GGCT: variants seen among roughly 807,000 people sequenced by gnomAD.
The protein encoded by GGCT is cytochrome c-releasing factor 21.
A neutral mutation model predicts 22.1 loss-of-function variants in GGCT; 20 were observed. The ratio of observed to expected loss-of-function variants is 0.91; its 90% CI spans 0.64 to 1.32. The LOEUF is 1.32. GGCT is among the 40% of genes most tolerant of loss of function. The pLI, the probability that GGCT is intolerant of heterozygous loss-of-function variation, is 0.00. For missense variants in GGCT, 209 were observed against 223.5 expected (o/e 0.94, Z 0.41); for synonymous variants, 72 against 78.4 (o/e 0.92, Z 0.43).
chr7:30,500,102 C>A (rs1013787744), intron 2 of GGCT, among the ~76,000 whole-genome samples: 1 of 152,224 alleles, frequency 6.6e-6, no homozygotes, highest in Non-Finnish European at 1.5e-5. Context: ...GCATTTCTAA[C>A]ATGTCCTCAG....
At chr7:30,498,026 T>TATACAC (rs68111355) in intron 3 of GGCT, 20 of 219,468 alleles carry the variant, frequency 9.1e-5, no homozygotes, top group African/African-American at 4.6e-4. Context: ...TATATATAGA[T>TATACAC]ACACACACAC....
intron 3 of GGCT, chr7:30,497,603 G>A: frequency 6.6e-6 from 3 of 455,160 alleles, no homozygotes; most frequent in Non-Finnish European, 7.4e-6. Context: ...TACAACGCCA[G>A]AGGTTACCCT....
Position 30,498,800 on chromosome 7 carries a change from T to C in GGCT, c.423+3A>G. On this transcript the variant is annotated splice_donor_region_variant and intron_variant, in intron 3 of 3. Coordinates refer to ENST00000275428, the MANE Select transcript of GGCT (RefSeq NM_024051.4). ...AATCACCACCAGTCTGTAAATAGCTTACCTTTTTATACTGTGGGGATGGGG... is the reference window on the plus strand; with the variant it reads ...AATCACCACCAGTCTGTAAATAGCTCACCTTTTTATACTGTGGGGATGGGG... 6.2e-7 allele frequency: 1 copy of C among 1,610,586 alleles called. No homozygotes were observed. The highest frequency in any genetic ancestry group is 8.5e-7 in the Non-Finnish European group (1 of 1,177,154).
Position 30,504,553 on chromosome 7 carries a change from G to T in GGCT, c.141+16C>A, listed in dbSNP as rs200471662. On this transcript the variant is annotated intron_variant, in intron 1 of 3. Transcript: ENST00000275428. ...ATCCCGGCCCCGGCGTGGGTAGCGC[G>T]GGAGGGGGCACTCACCTGCAGGCGG... 1.4e-5 allele frequency: 23 copies of T among 1,612,710 alleles called. No individual in the cohort carries two copies. The highest frequency in any genetic ancestry group is 1.7e-6 in the Non-Finnish European group (2 of 1,179,716).
chr7:30,501,124 C>A (rs1285427214), intron 1 of GGCT, among the ~76,000 whole-genome samples: 2 of 152,120 alleles, frequency 1.3e-5, no homozygotes, highest in Non-Finnish European at 2.9e-5. Flanking sequence ...CAACATATAT[C>A]ACCAAATTTG....
Position 30,498,951 on chromosome 7 carries a change from C to T in GGCT, c.288-13G>A. ...AACCCCTTCTTGCCTGAAACCAGAA[C>T]AGCCAAATTTTAACCACATTTGACC... On this transcript the variant is annotated splice_polypyrimidine_tract_variant and intron_variant, in intron 2 of 3. Transcript: ENST00000275428. 6.2e-7 allele frequency: 1 copy of T among 1,613,732 alleles called. No individual in the cohort carries two copies. The highest frequency in any genetic ancestry group is 1.1e-5 in the South Asian group (1 of 91,074).
At position 30,498,831 on chromosome 7, in the gene GGCT, C is replaced by T. The variant is rs767231584; in HGVS notation, c.395G>A (p.Ser132Asn). ...TTTATACTGTGGGGATGGGGGAGCA[C>T]TTTCGTAATTTGTCATCAGATAACT... The part of the protein sequence containing the change: ...CRSYLMTNYE[S>N]APPSPQYKKI... The change falls in exon 3 of 4, where the codon AGT becomes AAT. Residue 132 changes from serine to asparagine, a missense_variant. Transcript: ENST00000275428. 1.2e-6 allele frequency: 2 copies of T among 1,613,596 alleles called. No individual in the cohort carries two copies. The highest frequency in any genetic ancestry group is 4.5e-5 in the East Asian group (2 of 44,866).
At position 30,502,739 on chromosome 7, in the gene GGCT, A is replaced by C. The variant is rs187008668; in HGVS notation, c.141+1830T>G. Reference sequence around the variant, plus strand: ...GCTTTAACAATGTTATCTCCAAATTAGTTCTCAAATCCATCCACCCTGCCC... The same window carrying C: ...GCTTTAACAATGTTATCTCCAAATTCGTTCTCAAATCCATCCACCCTGCCC... On this transcript the variant is annotated intron_variant, in intron 1 of 3. Coordinates refer to ENST00000275428, the MANE Select transcript of GGCT (RefSeq NM_024051.4). 1.8e-4 allele frequency among the ~76,000 whole-genome samples: 27 copies of C among 152,300 alleles called. 1 individual carries two copies. Among genetic ancestry groups the C allele is most frequent in the Non-Finnish European group, 2.9e-4 (20 of 68,028 alleles).
intron 3 of GGCT, 83 bp downstream of exon 3, chr7:30,498,719 TA>T: frequency 7.7e-7 from 1 of 1,292,168 alleles, no homozygotes; most frequent in Non-Finnish European, 1.1e-6. Context: ...ACGTTGGGCC[TA>T]AAGTCTTTTA....
rs1451979842 is a variant in GGCT, at chr7:30,498,791, T to C, written c.423+12A>G. On this transcript the variant is annotated intron_variant, in intron 3 of 3. Transcript: ENST00000275428. ...TTAAAAAGTAATCACCACCAGTCTG[T>C]AAATAGCTTACCTTTTTATACTGTG... The C allele has an allele frequency of 1.2e-6, 2 of 1,608,556 alleles. No individual in the cohort carries two copies. Among genetic ancestry groups the C allele is most frequent in the Admixed American group, 1.7e-5 (1 of 59,828 alleles).
At chr7:30,500,787 A>G in intron 1 of GGCT, 106 bp from the exon 2 acceptor site, 8 of 794,928 alleles carry the variant, frequency 1.0e-5, no homozygotes, top group Non-Finnish European at 1.6e-5. Context: ...AAAACAGTCA[A>G]TAAACTGAGT....
At chr7:30,499,021 G>A (rs767216753) in intron 2 of GGCT, 83 bp from the exon 3 acceptor site, 2 of 1,193,382 alleles carry the variant, frequency 1.7e-6, no homozygotes, top group Non-Finnish European at 2.5e-6. Flanking sequence ...TAATAGTCAA[G>A]ATGGTGTATG....
chr7:30,504,385 CCCGGGCAGGG>C (rs1169788059), intron 1 of GGCT, among the ~76,000 whole-genome samples, 174 bp downstream of exon 1: 2 of 152,266 alleles, frequency 1.3e-5, no homozygotes, highest in African/African-American at 4.8e-5. Flanking sequence ...GGCACCGTGG[CCCGGGCAGGG>C]CCGGGCAGTG....
intron 1 of GGCT, among the ~76,000 whole-genome samples, chr7:30,503,781 CTTTTTTTT>C (rs58105855): frequency 4.5e-4 from 31 of 68,602 alleles, no homozygotes; most frequent in East Asian, 9.6e-4. Flanking sequence ...TCAACACATT[CTTTTTTTT>C]TTTTTTTTTT....
At position 30,498,569 on chromosome 7, in the gene GGCT, G is replaced by A. The variant is rs745918267; in HGVS notation, c.423+234C>T. Among the ~76,000 whole-genome samples, 28 of 152,068 alleles carry A rather than the reference G, an allele frequency of 1.8e-4. 1 individual carries two copies. Among genetic ancestry groups the A allele is most frequent in the Admixed American group, 1.5e-3 (23 of 15,260 alleles). ...CAAGTAGCTGGGATTACAGGTGCTCGCCACCACGGCCTCCTAGTTTTGTAT... is the reference window on the plus strand; with the variant it reads ...CAAGTAGCTGGGATTACAGGTGCTCACCACCACGGCCTCCTAGTTTTGTAT... On this transcript the variant is annotated intron_variant, in intron 3 of 3. Coordinates refer to ENST00000275428, the MANE Select transcript of GGCT (RefSeq NM_024051.4).
At position 30,500,669 on chromosome 7, in the gene GGCT, C is replaced by G; in HGVS notation, c.154G>C (p.Asp52His). The change falls in exon 2 of 4, where the codon GAC becomes CAC. Residue 52 changes from aspartate (D) to histidine (H), a missense_variant. Coordinates refer to ENST00000275428, the MANE Select transcript of GGCT (RefSeq NM_024051.4). Reference protein sequence around the residue: ...CVARLQDFKLDFGNSQGKTSQ... With the variant: ...CVARLQDFKLHFGNSQGKTSQ... ...GTTTTGCCTTGGGAATTGCCAAAGT[C>G]AAGCTTAAAATCCTACAAAGGAAAT... 7 of 1,613,636 alleles carry G rather than the reference C, an allele frequency of 4.3e-6. No homozygotes were observed. Among genetic ancestry groups the G allele is most frequent in the Non-Finnish European group, 5.1e-6 (6 of 1,179,770 alleles).
chr7:30,504,604 G>A lies in GGCT; in HGVS notation c.106C>T (p.Pro36Ser). 2 of 1,614,058 alleles carry A rather than the reference G, an allele frequency of 1.2e-6. No homozygotes were observed. The highest frequency in any genetic ancestry group is 1.7e-6 in the Non-Finnish European group (2 of 1,179,932). The change falls in exon 1 of 4, where the codon CCC (proline) becomes TCC (serine). Residue 36 changes from proline (P) to serine (S), a missense_variant. Transcript: ENST00000275428. ...GCCACACAGAAGAACGCCGCCGAGG[G>A]GTTTCGGAGGTGGATCCTCTCTGTC... ...LLTERIHLRN[P>S]SAAFFCVARL...
At chr7:30,500,318 G>T (rs1789670160) in intron 2 of GGCT, among the ~76,000 whole-genome samples, 1 of 152,148 alleles carries the variant, frequency 6.6e-6, no homozygotes, top group Non-Finnish European at 1.5e-5. Context: ...TTTTACATAA[G>T]AGATTACAAA....
At chr7:30,497,407 CATGA>C in intron 3 of GGCT, 172 bp from the exon 4 acceptor site, 1 of 469,572 alleles carries the variant, frequency 2.1e-6, no homozygotes. Context: ...TCACACTGAG[CATGA>C]ATGTGTATGG....
Sources: gnomAD v4.1 joint callset for allele counts (sites outside exome capture counted in the v4.1 genomes callset) on GRCh38, gnomAD v4.1.1 for gene constraint, MANE v1.5 for transcripts, NCBI Gene and HGNC (gene_info 2026-07-23, HGNC 2026-07-21) for gene names.